Variants in PDE6C observed in about 807,000 individuals in gnomAD.
PDE6C encodes cone cGMP-specific 3',5'-cyclic phosphodiesterase subunit alpha'.
A neutral mutation model predicts 113.1 loss-of-function variants in PDE6C; 75 were observed. That is an observed-to-expected ratio of 0.66 (90% CI 0.55 to 0.80). PDE6C has a LOEUF of 0.80. Ranked by LOEUF, PDE6C falls within the 30% of genes least tolerant of loss-of-function variation. PDE6C has a pLI of 0.00. For synonymous variants in PDE6C, 375 were observed against 363.7 expected (o/e 1.03, Z -0.35); for missense variants, 912 against 1,038.6 (o/e 0.88, Z 1.67).
chr10:93,638,930 T>G (rs1309833656), intron 11 of PDE6C, among the ~76,000 whole-genome samples: 1 of 152,214 alleles, frequency 6.6e-6, no homozygotes, highest in African/African-American at 2.4e-5. Flanking sequence ...CCATTCGGTG[T>G]TGAAATCTGT....
chr10:93,629,079 A>G (rs995284432), intron 7 of PDE6C, among the ~76,000 whole-genome samples, 179 bp from the exon 8 acceptor site: 7 of 152,138 alleles, frequency 4.6e-5, no homozygotes, highest in Non-Finnish European at 1.0e-4. Flanking sequence ...AGCAGCAGGG[A>G]AGCCATCTTG....
At chr10:93,625,407 A>G (rs1221864834) in intron 4 of PDE6C, among the ~76,000 whole-genome samples, 168 bp from the exon 5 acceptor site, 2 of 152,206 alleles carry the variant, frequency 1.3e-5, no homozygotes, top group Non-Finnish European at 2.9e-5. Flanking sequence ...TAACATGTTA[A>G]CAGTCAAAAA....
chr10:93,620,640 T>C lies in PDE6C; in HGVS notation c.489T>C (p.His163=), dbSNP rs143708538. 31 of 1,614,108 alleles carry C rather than the reference T, an allele frequency of 1.9e-5. No individual in the cohort carries two copies. The highest frequency in any genetic ancestry group is 2.6e-5 in the Non-Finnish European group (31 of 1,179,966). Residue 163 remains histidine (H), a synonymous_variant, in exon 2 of 22, where the codon CAT becomes CAC. Coordinates refer to ENST00000371447, the MANE Select transcript of PDE6C (RefSeq NM_006204.4). The stretch of plus-strand genomic sequence containing the variant: ...GTGACTGTCTCTTTCAGAACAGCCA[T>C]TTTTCTGACTTCATGGACAAGCAAA... The part of the protein sequence containing the change: ...HNVPDVKKNS[H]FSDFMDKQTG...
chr10:93,649,185 C>T (rs1029297393), intron 15 of PDE6C, among the ~76,000 whole-genome samples: 1 of 152,178 alleles, frequency 6.6e-6, no homozygotes, highest in African/African-American at 2.4e-5. Context: ...CAAATGAAAG[C>T]AGCTGAGCAA....
chr10:93,620,632 A>G lies in PDE6C; in HGVS notation c.481A>G (p.Asn161Asp), dbSNP rs1186585692. The change falls in exon 2 of 22, where the codon AAC (asparagine) becomes GAC (aspartate). Residue 161 changes from asparagine to aspartate, a missense_variant and splice_region_variant. By Grantham distance (23) the Asn-to-Asp change is conservative. Transcript: ENST00000371447. ...KTHNVPDVKK[N>D]SHFSDFMDKQ... ...ACAAATATGTGACTGTCTCTTTCAG[A>G]ACAGCCATTTTTCTGACTTCATGGA... The G allele has an allele frequency of 6.2e-7, 1 of 1,614,082 alleles. No homozygotes were observed. The highest frequency in any genetic ancestry group is 1.1e-5 in the South Asian group (1 of 91,076).
chr10:93,665,276 G>A, intron 21 of PDE6C, 84 bp from the exon 22 acceptor site: 1 of 1,020,860 alleles, frequency 9.8e-7, no homozygotes, highest in Admixed American at 1.7e-5. Context: ...CTACAAAGTT[G>A]ACACTACTAT....
At chr10:93,637,184 C>T in intron 11 of PDE6C, 121 bp downstream of exon 11, 1 of 669,674 alleles carries the variant, frequency 1.5e-6, no homozygotes, top group Non-Finnish European at 2.7e-6. Context: ...CCTGATATTT[C>T]TCAAGGCTAA....
At chr10:93,640,332 A>T in intron 12 of PDE6C, 116 bp downstream of exon 12, 1 of 1,282,250 alleles carries the variant, frequency 7.8e-7, no homozygotes, top group Non-Finnish European at 1.1e-6. Flanking sequence ...TAACTTTCTA[A>T]ATACATCAGC....
intron 14 of PDE6C, among the ~76,000 whole-genome samples, chr10:93,642,314 A>T (rs972545831): frequency 1.3e-5 from 2 of 152,198 alleles, no homozygotes; most frequent in Non-Finnish European, 2.9e-5. Context: ...AAGTGAGCTG[A>T]GGTCACGCCA....
At chr10:93,621,900 C>A (rs769667601) in intron 3 of PDE6C, 32 bp from the exon 4 acceptor site, 1 of 1,602,340 alleles carries the variant, frequency 6.2e-7, no homozygotes, top group Non-Finnish European at 8.5e-7. Context: ...ATACTTTATT[C>A]TAACTGTTTT....
chr10:93,641,658 A>C (rs1393489488), intron 14 of PDE6C, among the ~76,000 whole-genome samples: 2 of 152,160 alleles, frequency 1.3e-5, no homozygotes, highest in Non-Finnish European at 2.9e-5. Flanking sequence ...AAAATTAAAA[A>C]TAAAAAACAA....
At chr10:93,643,547 C>G (rs1219650881) in intron 14 of PDE6C, among the ~76,000 whole-genome samples, 1 of 151,852 alleles carries the variant, frequency 6.6e-6, no homozygotes, top group South Asian at 2.1e-4. Flanking sequence ...TGCTACCATG[C>G]CTGGCTAACT....
Position 93,637,047 on chromosome 10 carries a change from A to C in PDE6C, c.1466A>C (p.Gln489Pro). The C allele has an allele frequency of 6.3e-7, 1 of 1,595,878 alleles. No individual in the cohort carries two copies. The highest frequency in any genetic ancestry group is 1.3e-5 in the African/African-American group (1 of 74,692). ...VDVIDDCEEK[Q>P]LVAILKEDLP... is the part of the protein sequence containing the mutation. ...GTAATTGACGACTGTGAAGAAAAAC[A>C]ACTTGTTGCAATTTTGGTAAGTGTT... The change falls in exon 11 of 22, where the codon CAA becomes CCA. Residue 489 changes from glutamine (Q) to proline (P), a missense_variant. Transcript: ENST00000371447.
Position 93,626,699 on chromosome 10 carries a change from G to C in PDE6C, c.999G>C (p.Val333=). ...YILHGKEEIK[V]IPTPPADHWT... is the part of the protein sequence containing the mutation. ...TACATGGAAAAGAAGAGATCAAAGTGATTCCGTGAGTATTGGCAGGAAGTT... is the reference window on the plus strand; with the variant it reads ...TACATGGAAAAGAAGAGATCAAAGTCATTCCGTGAGTATTGGCAGGAAGTT... Residue 333 remains valine, a synonymous_variant, in exon 6 of 22, where the codon GTG becomes GTC. Transcript: ENST00000371447. The C allele has an allele frequency of 6.2e-7, 1 of 1,606,448 alleles. No homozygotes were observed. The highest frequency in any genetic ancestry group is 1.1e-5 in the South Asian group (1 of 90,924).
intron 10 of PDE6C, among the ~76,000 whole-genome samples, 189 bp downstream of exon 10, chr10:93,635,829 G>A (rs978951821): frequency 6.6e-6 from 1 of 152,200 alleles, no homozygotes; most frequent in Admixed American, 6.5e-5. Context: ...TGGAAGTACA[G>A]CTGCTTGGCT....
chr10:93,612,923 G>C lies in PDE6C; in HGVS notation c.198G>C (p.Leu66=). The C allele has an allele frequency of 1.2e-6, 2 of 1,614,044 alleles. No individual in the cohort carries two copies. The highest frequency in any genetic ancestry group is 1.7e-6 in the Non-Finnish European group (2 of 1,180,018). ...VEESALCLEL[L]WTVQEEGGTP... The stretch of plus-strand genomic sequence containing the variant: ...AGTCAGCCCTGTGCTTGGAGCTGCT[G>C]TGGACCGTGCAGGAGGAGGGGGGCA... Residue 66 remains leucine (L), a synonymous_variant, in exon 1 of 22, where the codon CTG becomes CTC. Coordinates refer to ENST00000371447, the MANE Select transcript of PDE6C (RefSeq NM_006204.4).
At chr10:93,656,294 G>T (rs2058637767) in intron 16 of PDE6C, among the ~76,000 whole-genome samples, 1 of 152,136 alleles carries the variant, frequency 6.6e-6, no homozygotes, top group Non-Finnish European at 1.5e-5. Flanking sequence ...AAGTCTGGGA[G>T]CTGAACAATT....
intron 1 of PDE6C, among the ~76,000 whole-genome samples, chr10:93,613,715 C>T (rs1284626972): frequency 6.6e-6 from 1 of 152,150 alleles, no homozygotes; most frequent in African/African-American, 2.4e-5. Context: ...ATCTATCGAC[C>T]AAATGTGCAA....
intron 15 of PDE6C, among the ~76,000 whole-genome samples, chr10:93,654,795 TTTC>T (rs2058627370): frequency 2.3e-5 from 2 of 87,020 alleles, no homozygotes; most frequent in African/African-American, 3.4e-5. Context: ...TCTTTCTTTC[TTTC>T]TTTCTTTCTT....
Sources: gnomAD v4.1 joint callset for allele counts (sites outside exome capture counted in the v4.1 genomes callset) on GRCh38, gnomAD v4.1.1 for gene constraint, MANE v1.5 for transcripts, NCBI Gene and HGNC (gene_info 2026-07-23, HGNC 2026-07-21) for gene names.